The following TSEN2 variants were observed in gnomAD, a reference collection of about 807,000 sequenced individuals.
TSEN2 encodes the protein tRNA splicing endonuclease subunit 2.
TSEN2 carries 54 observed loss-of-function variants against 59.2 expected under a neutral mutation model. That is an observed-to-expected ratio of 0.91 (90% CI 0.73 to 1.14). The LOEUF is 1.14. Ranked by LOEUF, TSEN2 falls within the 50% of genes most tolerant of loss-of-function variation. The pLI is 0.00. For missense variants in TSEN2, 636 were observed against 576.2 expected (o/e 1.10, Z -1.06); for synonymous variants, 195 against 198.2 (o/e 0.98, Z 0.14).
rs757613935 is a variant in TSEN2, at chr3:12,527,456, CT to C, written c.1100-1417del. ...CCTTGAACTTTTCTTTTTTTTTTTT[CT>C]TTTTTTTTTTTTTTGAGACGGAGTC... On this transcript the variant is annotated intron_variant, in intron 8 of 11. Coordinates refer to ENST00000284995, the MANE Select transcript of TSEN2 (RefSeq NM_025265.4). 2.4e-3 allele frequency among the ~76,000 whole-genome samples: 316 copies of C among 132,066 alleles called. 1 individual carries two copies. The highest frequency in any genetic ancestry group is 3.2e-3 in the Non-Finnish European group (195 of 61,026). 86.6% of individuals were successfully genotyped at this position (132,066 alleles called of 152,430 possible). A position where few individuals can be genotyped will look rare whatever the true frequency, so the allele number is the denominator to read the frequency against.
intron 2 of TSEN2, among the ~76,000 whole-genome samples, chr3:12,490,511 T>C (rs937820910): frequency 1.1e-4 from 16 of 152,310 alleles, no homozygotes; most frequent in Non-Finnish European, 2.1e-4. Context: ...TTTTCCAGCA[T>C]TGATCAAGTT....
At chr3:12,506,865 T>C in intron 6 of TSEN2, 17 of 985,318 alleles carry the variant, frequency 1.7e-5, no homozygotes, top group Non-Finnish European at 1.9e-5. Context: ...ATGGAACACA[T>C]CCATGTTGGT....
At chr3:12,523,482 A>G (rs1297727223) in intron 8 of TSEN2, among the ~76,000 whole-genome samples, 2 of 146,944 alleles carry the variant, frequency 1.4e-5, no homozygotes, top group East Asian at 3.9e-4. Flanking sequence ...TCTGTTTGTC[A>G]CAGAACAAGA....
At chr3:12,520,823 A>G (rs2056580539) in intron 8 of TSEN2, among the ~76,000 whole-genome samples, 1 of 152,080 alleles carries the variant, frequency 6.6e-6, no homozygotes, top group Admixed American at 6.5e-5. Context: ...GTACATGTGC[A>G]GGTTTGTTAC....
downstream of TSEN2, among the ~76,000 whole-genome samples, chr3:12,536,734 C>T (rs1044672907): frequency 6.6e-6 from 1 of 152,054 alleles, no homozygotes; most frequent in Non-Finnish European, 1.5e-5. Flanking sequence ...GGCGCGGTGG[C>T]TCATGCCTAT....
At chr3:12,492,034 A>G (rs2053267028) in intron 2 of TSEN2, 102 bp from the exon 3 acceptor site, 1 of 1,003,104 alleles carries the variant, frequency 1.0e-6, no homozygotes, top group East Asian at 2.5e-5. Flanking sequence ...GAGGTCCTGG[A>G]ACCAGCCCCC....
intron 6 of TSEN2, chr3:12,506,858 G>A (rs2054892099): frequency 1.0e-6 from 1 of 985,248 alleles, no homozygotes; most frequent in East Asian, 1.1e-4. Context: ...AAGTGCTATG[G>A]AACACATCCA....
Position 12,531,572 on chromosome 3 carries a change from A to G in TSEN2, c.1251A>G (p.Glu417=). 2 of 1,604,900 alleles carry G rather than the reference A, an allele frequency of 1.2e-6. No individual in the cohort carries two copies. The highest frequency in any genetic ancestry group is 1.7e-6 in the Non-Finnish European group (2 of 1,171,626). ...AGTGGTTTTTCATTTCTCAATAGGA[A>G]CTTATGCTGTGCTATTTGATTAAAC... The part of the protein sequence containing the change: ...LSRVSVNVSK[E]LMLCYLIKPS... Residue 417 remains glutamate (E), a splice_region_variant and synonymous_variant, in exon 11 of 12, where the codon GAA becomes GAG. Coordinates refer to ENST00000284995, the MANE Select transcript of TSEN2 (RefSeq NM_025265.4).
chr3:12,482,550 A>AT (rs11379990), upstream of TSEN2, among the ~76,000 whole-genome samples: 72,727 of 151,690 alleles, frequency 0.48, 18,281 homozygotes, highest in African/African-American at 0.58. Flanking sequence ...AAATTTACAG[A>AT]TTTTTTTTCT....
chr3:12,516,687 C>G lies in TSEN2; in HGVS notation c.960+26C>G, dbSNP rs372654891. On this transcript the variant is annotated intron_variant, in intron 7 of 11. Coordinates refer to ENST00000284995, the MANE Select transcript of TSEN2 (RefSeq NM_025265.4). ...GTAAGATGCTTTGTTTACATACAACCCACTTAAAATTTCCCTGTTGTTAAA... is the reference window on the plus strand; with the variant it reads ...GTAAGATGCTTTGTTTACATACAACGCACTTAAAATTTCCCTGTTGTTAAA... 5.0e-6 allele frequency: 8 copies of G among 1,609,192 alleles called. No homozygotes were observed. In the African/African-American group the frequency reaches 1.1e-4, roughly 22 times the overall value.
intron 2 of TSEN2, among the ~76,000 whole-genome samples, chr3:12,491,109 G>T (rs1030636611): frequency 4.6e-5 from 7 of 152,058 alleles, no homozygotes; most frequent in African/African-American, 1.7e-4. Flanking sequence ...TACCACCTCA[G>T]CCTCCCGAGT....
intron 6 of TSEN2, among the ~76,000 whole-genome samples, chr3:12,509,122 A>G (rs1465945488): frequency 6.6e-6 from 1 of 152,102 alleles, no homozygotes; most frequent in Non-Finnish European, 1.5e-5. Context: ...AGTTGATTTC[A>G]CTGTAAAGTA....
intron 8 of TSEN2, among the ~76,000 whole-genome samples, chr3:12,526,343 G>A (rs1342011750): frequency 2.0e-5 from 3 of 152,086 alleles, no homozygotes; most frequent in Non-Finnish European, 2.9e-5. Flanking sequence ...CAGGTATACG[G>A]GTTTTCTCTT....
rs561498365 is a variant in TSEN2 at position 12,486,265 on chromosome 3, C to T, written c.-18+1385C>T. On this transcript the variant is annotated intron_variant, in intron 1 of 11. Transcript: ENST00000284995. The stretch of plus-strand genomic sequence containing the variant: ...CCTCTTACAGCATGCTGTTCTGCCG[C>T]GACACTAAAGAACCTTCTTGAATAT... Among the ~76,000 whole-genome samples the T allele has an allele frequency of 8.3e-4, 126 of 152,282 alleles. 2 individuals are homozygous for T. The South Asian group carries it at 0.018, about 21-fold the overall frequency.
Position 12,503,591 on chromosome 3 carries a change from A to T in TSEN2, c.638A>T (p.Asp213Val). Reference sequence around the variant, plus strand: ...AGCTTTGAGAAAAGCGTGCGAGAGGATGCCTCACCTCTGCCCCATGTCTGT... The same window carrying T: ...AGCTTTGAGAAAAGCGTGCGAGAGGTTGCCTCACCTCTGCCCCATGTCTGT... ...TESFEKSVRE[D>V]ASPLPHVCCC... The change falls in exon 5 of 12, where the codon GAT becomes GTT. Residue 213 changes from aspartate (D) to valine (V), a missense_variant. Physicochemically the swap from Asp to Val is radical, Grantham distance 152. Transcript: ENST00000284995. 6.3e-7 allele frequency: 1 copy of T among 1,598,930 alleles called. No homozygotes were observed. Among genetic ancestry groups the T allele is most frequent in the Non-Finnish European group, 8.5e-7 (1 of 1,170,642 alleles).
intron 1 of TSEN2, among the ~76,000 whole-genome samples, chr3:12,485,731 C>T (rs1402254220): frequency 6.6e-6 from 1 of 152,162 alleles, no homozygotes; most frequent in Non-Finnish European, 1.5e-5. Context: ...AATCATCATT[C>T]TAAATAACCT....
At chr3:12,512,205 A>G (rs1037001000) in intron 6 of TSEN2, among the ~76,000 whole-genome samples, 2 of 152,252 alleles carry the variant, frequency 1.3e-5, no homozygotes, top group Admixed American at 6.5e-5. Context: ...CCCTGGGTGG[A>G]GTGAAGACAT....
intron 4 of TSEN2, among the ~76,000 whole-genome samples, chr3:12,499,748 G>A (rs951479562): frequency 6.6e-6 from 1 of 152,172 alleles, no homozygotes; most frequent in Non-Finnish European, 1.5e-5. Context: ...GGGCCTGTGT[G>A]TCATCTCAGG....
Position 12,532,665 on chromosome 3 carries a change from G to A in TSEN2, c.1342G>A (p.Val448Met). The A allele has an allele frequency of 6.2e-7, 1 of 1,614,116 alleles. No homozygotes were observed. The highest frequency in any genetic ancestry group is 1.1e-5 in the South Asian group (1 of 91,082). ...ECMKRIKVQEVILSRWVSSRE... is the reference protein window; with the variant it reads ...ECMKRIKVQEMILSRWVSSRE... ...TCTTTTTTTTTATTGGTTGTAGGAGGTGATTCTGAGTCGATGGGTTTCTTC... is the reference window on the plus strand; with the variant it reads ...TCTTTTTTTTTATTGGTTGTAGGAGATGATTCTGAGTCGATGGGTTTCTTC... The change falls in exon 12 of 12, where the codon GTG (valine) becomes ATG (methionine). Residue 448 changes from valine (V) to methionine (M), a missense_variant. Physicochemically the swap from Val to Met is conservative, Grantham distance 21. Transcript: ENST00000284995.
Sources: allele counts gnomAD v4.1 joint callset (sites outside exome capture counted in the v4.1 genomes callset), GRCh38; gene constraint gnomAD v4.1.1; transcripts MANE v1.5; gene names NCBI Gene and HGNC (gene_info 2026-07-23, HGNC 2026-07-21).